CC2D1B: variants seen among roughly 807,000 people sequenced by gnomAD.
CC2D1B encodes coiled-coil and C2 domain containing 1B, also known as coiled-coil and C2 domain-containing protein 1B.
Under a neutral mutation model 110.8 loss-of-function variants are expected in CC2D1B, and 92 were observed. The observed-to-expected ratio is 0.83, with a 90% CI of 0.70 to 0.99. The LOEUF is 0.99. Among genes scored for constraint, CC2D1B ranks in the 50% least tolerant of loss-of-function variants. CC2D1B has a pLI of 0.00. For synonymous variants in CC2D1B, 406 were observed against 429.2 expected, an observed-to-expected ratio of 0.95 and a Z score of 0.67; for missense variants, 1,136 against 1,089.0, an observed-to-expected ratio of 1.04 and a Z score of -0.61.
Position 52,360,986 on chromosome 1 carries a change from GGCTGAA to G in CC2D1B, c.459_464del (p.Ser154_Ala155del), listed in dbSNP as rs751757357. The G allele has an allele frequency of 6.2e-7, 1 of 1,614,102 alleles. No homozygotes were observed. The highest frequency in any genetic ancestry group is 2.2e-5 in the East Asian group (1 of 44,878). ...CTCCAGAACCCACCTGAGCTGCTGG[GGCTGAA>G]GCTGTCAGGACGGCTGTCTGCACTG... On this transcript the variant is annotated inframe_deletion, in exon 5 of 25. Transcript: ENST00000284376.
intron 2 of CC2D1B, among the ~76,000 whole-genome samples, chr1:52,363,191 G>A (rs1243361738): frequency 6.6e-6 from 1 of 151,846 alleles, no homozygotes; most frequent in Non-Finnish European, 1.5e-5. Context: ...TCAGGAGATG[G>A]AGACCATCCT....
intron 11 of CC2D1B, 92 bp from the exon 12 acceptor site, chr1:52,358,850 C>G: frequency 6.9e-7 from 1 of 1,458,220 alleles, no homozygotes; most frequent in Non-Finnish European, 9.4e-7. Context: ...GAGAGGGAGA[C>G]TGGTGGGAAG....
rs1230629938 is a variant in CC2D1B, at chr1:52,353,131, T to G, written c.*94A>C. On this transcript the variant is annotated 3_prime_UTR_variant, in exon 25 of 25. Transcript: ENST00000284376. The stretch of plus-strand genomic sequence containing the variant: ...TCTTTGGTGCTTGGGTAGCAGCATC[T>G]CTTATGTACAAAGGCTTCTGAAGCC... 1 of 1,230,746 alleles carries G rather than the reference T, an allele frequency of 8.1e-7. No homozygotes were observed. The highest frequency in any genetic ancestry group is 1.1e-6 in the Non-Finnish European group (1 of 921,578). The allele number at this position is 1,230,746 out of a possible 1,614,324, so 76.2% of individuals were successfully genotyped here.
intron 4 of CC2D1B, 62 bp from the exon 5 acceptor site, chr1:52,361,194 C>T: frequency 6.3e-7 from 1 of 1,590,828 alleles, no homozygotes; most frequent in Non-Finnish European, 8.6e-7. Context: ...ACAACAGGAC[C>T]TGAGAGTAAA....
chr1:52,365,015 C>G (rs79944498), intron 1 of CC2D1B, among the ~76,000 whole-genome samples: 1,932 of 152,250 alleles, frequency 0.013, 35 homozygotes, highest in African/African-American at 0.044. Context: ...AAATCCAGTC[C>G]ATCAGCCACA....
Position 52,362,208 on chromosome 1 carries a change from G to A in CC2D1B, c.214+394C>T, listed in dbSNP as rs928289179. Among the ~76,000 whole-genome samples the A allele has an allele frequency of 3.9e-5, 6 of 152,298 alleles. No individual in the cohort carries two copies. In the East Asian group the frequency reaches 1.2e-3, roughly 29 times the overall value. On this transcript the variant is annotated intron_variant, in intron 3 of 24. Transcript: ENST00000284376. ...AAAGAGAGGACGATTTAGACCTCCTGATCCTCCCAGGCCTGAAGTCTCTGT... is the reference window on the plus strand; with the variant it reads ...AAAGAGAGGACGATTTAGACCTCCTAATCCTCCCAGGCCTGAAGTCTCTGT...
intron 10 of CC2D1B, 26 bp from the exon 11 acceptor site, chr1:52,359,183 G>C: frequency 1.2e-6 from 2 of 1,609,572 alleles, no homozygotes; most frequent in Non-Finnish European, 1.7e-6. Flanking sequence ...GAAGAAGTGG[G>C]CATCAGGTCA....
At chr1:52,361,244 T>C (rs1646776470) in intron 4 of CC2D1B, 112 bp from the exon 5 acceptor site, 1 of 1,331,686 alleles carries the variant, frequency 7.5e-7, no homozygotes, top group South Asian at 1.3e-5. Context: ...CGTCAGTCAC[T>C]GTGCCTGAGT....
chr1:52,361,685 T>TTACTCA, intron 3 of CC2D1B, 69 bp from the exon 4 acceptor site: 1 of 1,580,862 alleles, frequency 6.3e-7, no homozygotes, highest in South Asian at 1.1e-5. Flanking sequence ...AGGAGGGGCT[T>TTACTCA]GGTAGATCCA....
At chr1:52,356,784 T>G (rs751031555) in intron 16 of CC2D1B, 2 of 605,530 alleles carry the variant, frequency 3.3e-6, no homozygotes, top group Non-Finnish European at 5.8e-6. Flanking sequence ...TTCCCTCTTC[T>G]CTGTTGTTTG....
At chr1:52,357,244 A>T in intron 15 of CC2D1B, 118 bp from the exon 16 acceptor site, 3 of 1,243,418 alleles carry the variant, frequency 2.4e-6, no homozygotes, top group Non-Finnish European at 3.4e-6. Flanking sequence ...TCCAGTGATG[A>T]CAACTCATCG....
At chr1:52,362,894 A>G (rs1196740478) in intron 2 of CC2D1B, 148 bp from the exon 3 acceptor site, 1 of 753,480 alleles carries the variant, frequency 1.3e-6, no homozygotes, top group Non-Finnish European at 2.1e-6. Flanking sequence ...GGCCTGCAAC[A>G]TTACTCCTTG....
At position 52,354,805 on chromosome 1, in the gene CC2D1B, G is replaced by A. The variant is rs770576894; in HGVS notation, c.2339+35C>T. On this transcript the variant is annotated intron_variant, in intron 22 of 24. Coordinates refer to ENST00000284376, the MANE Select transcript of CC2D1B (RefSeq NM_001330585.2). ...GTGACAAACGCTCTTCCCTCCTCCC[G>A]GCCCGTGTGGCAGCATGACCGATAG... The A allele has an allele frequency of 2.7e-5, 44 of 1,605,152 alleles. No homozygotes were observed. The East Asian group carries it at 4.0e-4, about 15-fold the overall frequency.
chr1:52,355,519 C>A, intron 20 of CC2D1B, 70 bp from the exon 21 acceptor site: 1 of 1,608,060 alleles, frequency 6.2e-7, no homozygotes, highest in Non-Finnish European at 8.5e-7. Context: ...GCACTGCAGC[C>A]ACACCTCCCA....
intron 11 of CC2D1B, 33 bp from the exon 12 acceptor site, chr1:52,358,791 G>C (rs752798888): frequency 6.3e-7 from 1 of 1,584,616 alleles, no homozygotes; most frequent in Non-Finnish European, 8.6e-7. Flanking sequence ...GCCTGTGGTC[G>C]GCAGCAGCCC....
In CC2D1B at chr1:52,355,443, C is replaced by G. The variant is rs141635623; in HGVS notation, c.2194G>C (p.Ala732Pro). The G allele has an allele frequency of 2.4e-5, 39 of 1,614,106 alleles. 1 individual carries two copies. In the African/African-American group the frequency reaches 4.3e-4, roughly 18 times the overall value. ...FEFHYPNSDQ[A>P]QKSKTAVVKN... ...ACCACAGCTGTTTTGCTTTTTTGAGCCTGGTCCTAAGCAGTGAGGAGGGAG... is the reference window on the plus strand; with the variant it reads ...ACCACAGCTGTTTTGCTTTTTTGAGGCTGGTCCTAAGCAGTGAGGAGGGAG... Residue 732 changes from alanine to proline, a missense_variant, in exon 21 of 25, where the codon GCT becomes CCT. Coordinates refer to ENST00000284376, the MANE Select transcript of CC2D1B (RefSeq NM_001330585.2).
At chr1:52,357,961 C>T (rs759035492) in intron 13 of CC2D1B, 63 bp from the exon 14 acceptor site, 7 of 1,514,814 alleles carry the variant, frequency 4.6e-6, no homozygotes, top group Non-Finnish European at 5.3e-6. Flanking sequence ...TGGCGGCTCC[C>T]AGACTTGGGC....
chr1:52,358,277 A>T, intron 13 of CC2D1B, 54 bp downstream of exon 13: 1 of 1,586,990 alleles, frequency 6.3e-7, no homozygotes, highest in East Asian at 2.2e-5. Flanking sequence ...GTCTGGGTTT[A>T]CCCCTCACCT....
At chr1:52,359,647 TGA>T in intron 8 of CC2D1B, 56 bp downstream of exon 8, 2 of 1,550,104 alleles carry the variant, frequency 1.3e-6, no homozygotes, top group South Asian at 2.4e-5. Context: ...GCTCCCTTTC[TGA>T]GCCTGTTTCC....
Sources: gnomAD v4.1 joint callset for allele counts (sites outside exome capture counted in the v4.1 genomes callset) on GRCh38, gnomAD v4.1.1 for gene constraint, MANE v1.5 for transcripts, NCBI Gene and HGNC (gene_info 2026-07-23, HGNC 2026-07-21) for gene names.